SKAP2: variants seen among roughly 807,000 people sequenced by gnomAD.
SKAP2 encodes the protein src kinase associated phosphoprotein 2.
In SKAP2, 28 loss-of-function variants were observed where a neutral mutation model predicts 54.9. The ratio of observed to expected loss-of-function variants is 0.51; its 90% CI spans 0.38 to 0.70. The LOEUF (loss-of-function observed/expected upper bound fraction) is 0.70, where lower values mean the gene tolerates loss of function less well. SKAP2 is among the 30% of genes least tolerant of loss of function. SKAP2 has a pLI of 0.00. For synonymous variants in SKAP2, 137 were observed against 134.3 expected (o/e 1.02, Z -0.14); for missense variants, 356 against 424.1 (o/e 0.84, Z 1.41).
chr7:26,722,788 A>G (rs1787606724), intron 9 of SKAP2, among the ~76,000 whole-genome samples: 1 of 152,210 alleles, frequency 6.6e-6, no homozygotes, highest in Non-Finnish European at 1.5e-5. Context: ...GTTTTTAAAA[A>G]ATACACTTAT....
intron 9 of SKAP2, among the ~76,000 whole-genome samples, chr7:26,715,131 TTC>T (rs1787401912): frequency 6.6e-6 from 1 of 152,222 alleles, no homozygotes; most frequent in East Asian, 1.9e-4. Flanking sequence ...AACATAATTT[TTC>T]TTTTTTCTTT....
At chr7:26,693,943 C>T (rs908588251) in intron 9 of SKAP2, among the ~76,000 whole-genome samples, 2 of 151,352 alleles carry the variant, frequency 1.3e-5, no homozygotes, top group Admixed American at 1.3e-4. Flanking sequence ...AGGAGATGTT[C>T]GATAAATACA....
At chr7:26,829,190 A>G (rs1197207040) in intron 4 of SKAP2, among the ~76,000 whole-genome samples, 1 of 152,142 alleles carries the variant, frequency 6.6e-6, no homozygotes, top group Non-Finnish European at 1.5e-5. Flanking sequence ...CTGATAAGCA[A>G]CTAGTATCCA....
intron 9 of SKAP2, among the ~76,000 whole-genome samples, chr7:26,717,633 C>A (rs1467550876): frequency 6.7e-6 from 1 of 148,456 alleles, no homozygotes; most frequent in Non-Finnish European, 1.5e-5. Context: ...CAAGACCAGC[C>A]TGGCCAACAT....
intron 3 of SKAP2, among the ~76,000 whole-genome samples, chr7:26,851,582 G>A (rs1054684934): frequency 6.6e-6 from 1 of 152,064 alleles, no homozygotes; most frequent in Non-Finnish European, 1.5e-5. Context: ...GGTGGGGGTG[G>A]GGAGGGATAG....
intron 9 of SKAP2, among the ~76,000 whole-genome samples, chr7:26,711,737 G>A (rs1420111253): frequency 3.9e-5 from 6 of 152,152 alleles, no homozygotes; most frequent in Non-Finnish European, 5.9e-5. Context: ...AACTCATAAA[G>A]GTTAATGAGC....
chr7:26,840,698 T>G (rs1307406692), intron 4 of SKAP2, among the ~76,000 whole-genome samples: 2 of 152,104 alleles, frequency 1.3e-5, no homozygotes, highest in Non-Finnish European at 1.5e-5. Flanking sequence ...ATTACGATTT[T>G]TTTGTTTTCC....
chr7:26,772,477 G>A (rs1055259412), intron 4 of SKAP2, among the ~76,000 whole-genome samples: 4 of 152,158 alleles, frequency 2.6e-5, no homozygotes, highest in African/African-American at 9.7e-5. Context: ...TGAGAACATA[G>A]GGTATGTGGT....
At chr7:26,773,776 T>C (rs1268401976) in intron 4 of SKAP2, among the ~76,000 whole-genome samples, 1 of 152,186 alleles carries the variant, frequency 6.6e-6, no homozygotes, top group East Asian at 1.9e-4. Context: ...TCAGTTTATA[T>C]CTTGTACTGA....
intron 4 of SKAP2, among the ~76,000 whole-genome samples, chr7:26,830,852 T>C (rs1352987243): frequency 1.3e-5 from 2 of 152,148 alleles, no homozygotes; most frequent in East Asian, 1.9e-4. Context: ...TAATATACAG[T>C]TTTGCCCTAA....
At chr7:26,770,433 T>C (rs1265228000) in intron 4 of SKAP2, among the ~76,000 whole-genome samples, 1 of 152,138 alleles carries the variant, frequency 6.6e-6, no homozygotes, top group Non-Finnish European at 1.5e-5. Context: ...CTTGGCTCCC[T>C]GGCTTCAGTC....
chr7:26,772,839 A>G (rs767456980), intron 4 of SKAP2, among the ~76,000 whole-genome samples: 1 of 152,228 alleles, frequency 6.6e-6, no homozygotes, highest in Non-Finnish European at 1.5e-5. Context: ...AGAGTTATAC[A>G]TGTTCATTCT....
intron 4 of SKAP2, among the ~76,000 whole-genome samples, chr7:26,779,875 G>C (rs1357824720): frequency 6.6e-6 from 1 of 151,990 alleles, no homozygotes; most frequent in Non-Finnish European, 1.5e-5. Flanking sequence ...TTAAAAACAG[G>C]TTTAAATAAT....
At chr7:26,743,135 A>AT (rs1419072873) in intron 4 of SKAP2, among the ~76,000 whole-genome samples, 2 of 152,182 alleles carry the variant, frequency 1.3e-5, no homozygotes, top group African/African-American at 2.4e-5. Context: ...GGAACAGTCA[A>AT]TTATACAACA....
At chr7:26,863,396 C>G (rs950542973) in intron 1 of SKAP2, among the ~76,000 whole-genome samples, 4 of 152,052 alleles carry the variant, frequency 2.6e-5, no homozygotes, top group Non-Finnish European at 5.9e-5. Flanking sequence ...AACTAAAAAT[C>G]AAAATTCAGT....
At position 26,798,568 on chromosome 7, in the gene SKAP2, A is replaced by G. The variant is rs2127983710; in HGVS notation, c.307+45462T>C. 1.3e-5 allele frequency among the ~76,000 whole-genome samples: 2 copies of G among 152,304 alleles called. 1 individual carries two copies. The highest frequency in any genetic ancestry group is 4.1e-4 in the South Asian group (2 of 4,828). On this transcript the variant is annotated intron_variant, in intron 4 of 12. Coordinates refer to ENST00000345317, the MANE Select transcript of SKAP2 (RefSeq NM_003930.5). ...TTAATGAGCAATAAGTAATCACCTGAAGGTACAAAACTCACTAGTCACAGT... is the reference window on the plus strand; with the variant it reads ...TTAATGAGCAATAAGTAATCACCTGGAGGTACAAAACTCACTAGTCACAGT...
At chr7:26,748,090 C>T (rs578101978) in intron 4 of SKAP2, among the ~76,000 whole-genome samples, 42 of 152,172 alleles carry the variant, frequency 2.8e-4, no homozygotes, top group Non-Finnish European at 3.4e-4. Context: ...TTTAAGTATA[C>T]GACCAGAAAC....
At chr7:26,686,343 GAGA>G (rs952834520) in intron 10 of SKAP2, among the ~76,000 whole-genome samples, 4 of 152,050 alleles carry the variant, frequency 2.6e-5, no homozygotes, top group African/African-American at 7.2e-5. Context: ...GGAGTGGAGA[GAGA>G]AGGAGGAAGA....
At chr7:26,820,897 C>T (rs1784372509) in intron 4 of SKAP2, among the ~76,000 whole-genome samples, 1 of 152,144 alleles carries the variant, frequency 6.6e-6, no homozygotes, top group South Asian at 2.1e-4. Context: ...CAAGAGCTAA[C>T]ATTGGCATGT....
Sources: allele counts gnomAD v4.1 joint callset (sites outside exome capture counted in the v4.1 genomes callset), GRCh38; gene constraint gnomAD v4.1.1; transcripts MANE v1.5; gene names NCBI Gene and HGNC (gene_info 2026-07-23, HGNC 2026-07-21).